ZC3H12B: variants seen among roughly 807,000 people sequenced by gnomAD.
ZC3H12B encodes the protein probable ribonuclease ZC3H12B.
A neutral mutation model predicts 43.9 loss-of-function variants in ZC3H12B; 7 were observed. The ratio of observed to expected loss-of-function variants is 0.16; its 90% CI spans 0.09 to 0.30. The LOEUF (loss-of-function observed/expected upper bound fraction) is 0.30, where lower values mean the gene tolerates loss of function less well. Among genes scored for constraint, ZC3H12B ranks in the 10% least tolerant of loss-of-function variants. ZC3H12B has a pLI of 1.00. For missense variants in ZC3H12B, 475 were observed against 670.2 expected (o/e 0.71, Z 3.22); for synonymous variants, 222 against 241.7 (o/e 0.92, Z 0.76).
At chrX:65,440,919 T>G (rs927054592) in intron 3 of ZC3H12B, among the ~76,000 whole-genome samples, 3 of 112,744 alleles carry the variant, frequency 2.7e-5, no homozygotes, top group African/African-American at 9.7e-5. Context: ...GCCATTGTTC[T>G]ATCCAAATTG....
chrX:65,374,018 TAC>T (rs1401681225), intron 2 of ZC3H12B, among the ~76,000 whole-genome samples: 3 of 42,825 alleles, frequency 7.0e-5, no homozygotes, highest in African/African-American at 3.0e-4. Context: ...TAACTATATA[TAC>T]AGTATATATA....
chrX:65,240,630 TGGA>T, the ZC3H12B span, among the ~76,000 whole-genome samples: 5 of 112,043 alleles, frequency 4.5e-5, no homozygotes, highest in African/African-American at 1.3e-4. Context: ...TGTGGTCATT[TGGA>T]GGAGAAGAGG....
At chrX:65,386,478 G>A (rs1221077854) in intron 2 of ZC3H12B, among the ~76,000 whole-genome samples, 1 of 111,672 alleles carries the variant, frequency 9.0e-6, no homozygotes, top group Non-Finnish European at 1.9e-5. Context: ...TATTTCTGTG[G>A]TATCAGTGGT....
intron 3 of ZC3H12B, among the ~76,000 whole-genome samples, chrX:65,450,899 A>G (rs180737096): frequency 1.2e-4 from 11 of 92,720 alleles, no homozygotes; most frequent in Admixed American, 3.8e-4. Context: ...ATATGTATAT[A>G]TATACATATA....
At chrX:65,244,554 G>T in the ZC3H12B span, among the ~76,000 whole-genome samples, 6 of 107,613 alleles carry the variant, frequency 5.6e-5, no homozygotes, top group Admixed American at 1.0e-4. Context: ...AGACCAGCCC[G>T]GGTAACATAG....
the ZC3H12B span, among the ~76,000 whole-genome samples, chrX:65,207,702 A>T: frequency 3.3e-5 from 3 of 91,452 alleles, no homozygotes; most frequent in Non-Finnish European, 6.4e-5. Context: ...AGTTTTTTCC[A>T]ATTCTGTGAA....
chrX:65,173,351 A>T, the ZC3H12B span, among the ~76,000 whole-genome samples: 1 of 111,904 alleles, frequency 8.9e-6, no homozygotes, highest in Non-Finnish European at 1.9e-5. Context: ...TAAATATAAC[A>T]TCATGTCTTC....
chrX:65,164,559 G>C, the ZC3H12B span, among the ~76,000 whole-genome samples: 1 of 111,605 alleles, frequency 9.0e-6, no homozygotes, highest in Non-Finnish European at 1.9e-5. Context: ...TTAGTTTTGG[G>C]AAGAGATTAA....
At chrX:65,368,160 G>A (rs2066197646) in intron 1 of ZC3H12B, among the ~76,000 whole-genome samples, 1 of 112,093 alleles carries the variant, frequency 8.9e-6, no homozygotes, top group Non-Finnish European at 1.9e-5. Flanking sequence ...GAGTGAGGTA[G>A]AAAGGGATGG....
the ZC3H12B span, among the ~76,000 whole-genome samples, chrX:65,290,013 AAAT>A: frequency 9.0e-5 from 10 of 110,771 alleles, no homozygotes; most frequent in Non-Finnish European, 1.1e-4. Context: ...ATGTAGTAAA[AAAT>A]AATAATAATA....
At chrX:65,327,675 G>A in the ZC3H12B span, among the ~76,000 whole-genome samples, 1 of 111,243 alleles carries the variant, frequency 9.0e-6, no homozygotes, top group Non-Finnish European at 1.9e-5. Context: ...ATTATAAAAG[G>A]GCATAGTGTC....
the ZC3H12B span, among the ~76,000 whole-genome samples, chrX:65,211,666 A>G: frequency 1.1e-5 from 1 of 90,404 alleles, no homozygotes; most frequent in Non-Finnish European, 2.1e-5. Flanking sequence ...TATACATAAT[A>G]TATATTATAT....
At chrX:65,206,983 C>T in the ZC3H12B span, among the ~76,000 whole-genome samples, 1 of 100,880 alleles carries the variant, frequency 9.9e-6, no homozygotes, top group African/African-American at 4.2e-5. Flanking sequence ...CAAGAATGGC[C>T]ATAATCAAAA....
intron 3 of ZC3H12B, among the ~76,000 whole-genome samples, chrX:65,448,911 GAGAA>G (rs1348935288): frequency 4.5e-5 from 2 of 44,053 alleles, no homozygotes; most frequent in African/African-American, 9.0e-5. Context: ...GAGAGAAAGA[GAGAA>G]AGGAAGGAAG....
At chrX:65,119,453 G>C in the ZC3H12B span, among the ~76,000 whole-genome samples, 2 of 112,018 alleles carry the variant, frequency 1.8e-5, no homozygotes, top group African/African-American at 6.5e-5. Context: ...GTCTTCTTTT[G>C]AGAAGTGTCC....
At chrX:65,127,826 A>AC in the ZC3H12B span, among the ~76,000 whole-genome samples, 2 of 109,872 alleles carry the variant, frequency 1.8e-5, no homozygotes, top group Non-Finnish European at 3.8e-5. Context: ...CACAGGCCTC[A>AC]CCCCCCTCCC....
chrX:65,201,496 C>G, the ZC3H12B span, among the ~76,000 whole-genome samples: 5 of 111,204 alleles, frequency 4.5e-5, no homozygotes, highest in African/African-American at 1.6e-4. Context: ...TTAAAAACAG[C>G]TTCTTTATTC....
chrX:65,376,609 A>T, intron 2 of ZC3H12B, among the ~76,000 whole-genome samples: 1 of 111,960 alleles, frequency 8.9e-6, no homozygotes, highest in Non-Finnish European at 1.9e-5. Context: ...AAGTAAGGAA[A>T]GAAAACAAGC....
At chrX:65,283,005 A>G in the ZC3H12B span, among the ~76,000 whole-genome samples, 2 of 111,620 alleles carry the variant, frequency 1.8e-5, no homozygotes, top group African/African-American at 3.3e-5. Flanking sequence ...CCAAAGCCTG[A>G]CAGAGACACA....
Sources: allele counts gnomAD v4.1 joint callset (sites outside exome capture counted in the v4.1 genomes callset), GRCh38; gene constraint gnomAD v4.1.1; transcripts MANE v1.5; gene names NCBI Gene and HGNC (gene_info 2026-07-23, HGNC 2026-07-21).